MAP3K19: variants seen among roughly 807,000 people sequenced by gnomAD.
The protein encoded by MAP3K19 is mitogen-activated protein kinase kinase kinase 19.
In MAP3K19, 91 loss-of-function variants were observed where a neutral mutation model predicts 114.4. The observed-to-expected ratio is 0.80, with a 90% CI of 0.67 to 0.95. MAP3K19 has a LOEUF of 0.95. Among genes scored for constraint, MAP3K19 ranks in the 40% least tolerant of loss-of-function variants. MAP3K19 has a pLI of 0.00. For synonymous variants in MAP3K19, 518 were observed against 530.5 expected, an observed-to-expected ratio of 0.98 and a Z score of 0.32; for missense variants, 1,471 against 1,573.2, an observed-to-expected ratio of 0.94 and a Z score of 1.10.
chr2:135,024,253 A>G (rs1261136922), intron 4 of MAP3K19, among the ~76,000 whole-genome samples: 1 of 152,146 alleles, frequency 6.6e-6, no homozygotes, highest in Admixed American at 6.5e-5. Flanking sequence ...TTTTCATTAT[A>G]CTTCTTGCTG....
chr2:135,031,240 T>C (rs935956955), intron 2 of MAP3K19, among the ~76,000 whole-genome samples: 2 of 151,912 alleles, frequency 1.3e-5, no homozygotes, highest in Non-Finnish European at 1.5e-5. Context: ...TGGGGGCACT[T>C]CGACAAAATC....
intron 2 of MAP3K19, among the ~76,000 whole-genome samples, chr2:135,037,812 C>T (rs1204547930): frequency 6.6e-6 from 1 of 152,136 alleles, no homozygotes; most frequent in African/African-American, 2.4e-5. Flanking sequence ...GTTCAGGGGT[C>T]ACCTGGTCCT....
chr2:135,009,163 A>G (rs973162486), intron 5 of MAP3K19, among the ~76,000 whole-genome samples: 4 of 149,756 alleles, frequency 2.7e-5, no homozygotes, highest in African/African-American at 9.9e-5. Flanking sequence ...TGGCGTTTCA[A>G]TATGTTTACC....
chr2:135,009,446 T>C (rs1687064853), intron 5 of MAP3K19, among the ~76,000 whole-genome samples: 1 of 132,028 alleles, frequency 7.6e-6, no homozygotes, highest in Admixed American at 7.3e-5. Context: ...TAGAACACTC[T>C]AAGAGACCTC....
Position 134,964,839 on chromosome 2 carries a change from T to G in MAP3K19, c.*11A>C. ...CTGCAGTGGAACTGGGAAGAAAGTC[T>G]TGATGTATATTCAGTGACTTCTCTC... On this transcript the variant is annotated 3_prime_UTR_variant, in exon 13 of 13. Coordinates refer to ENST00000392915, the MANE Select transcript of MAP3K19 (RefSeq NM_025052.5). 1 of 1,608,028 alleles carries G rather than the reference T, an allele frequency of 6.2e-7. No individual in the cohort carries two copies. The highest frequency in any genetic ancestry group is 1.3e-5 in the African/African-American group (1 of 74,952).
At chr2:134,990,068 G>T (rs893909060) in intron 9 of MAP3K19, among the ~76,000 whole-genome samples, 2 of 150,980 alleles carry the variant, frequency 1.3e-5, no homozygotes, top group Non-Finnish European at 2.9e-5. Context: ...GGGCAACAGA[G>T]TGAGACTCTG....
At chr2:135,028,632 G>A (rs2104781437) in intron 3 of MAP3K19, among the ~76,000 whole-genome samples, 1 of 152,098 alleles carries the variant, frequency 6.6e-6, no homozygotes, top group South Asian at 2.1e-4. Context: ...GGAGGCATAT[G>A]AATGTAATTT....
chr2:134,969,574 C>A (rs1003093060), intron 12 of MAP3K19, among the ~76,000 whole-genome samples: 2 of 152,098 alleles, frequency 1.3e-5, no homozygotes, highest in African/African-American at 2.4e-5. Context: ...GTTGGATGAA[C>A]ATTTTGCAAA....
intron 8 of MAP3K19, among the ~76,000 whole-genome samples, chr2:134,997,264 C>G (rs546487858): frequency 6.6e-6 from 1 of 152,186 alleles, no homozygotes; most frequent in South Asian, 2.1e-4. Context: ...GATTCCATTT[C>G]TATAAAAGAC....
chr2:134,999,828 T>C lies in MAP3K19; in HGVS notation c.314+109A>G. ...GCCACATACTATTTATTGTGACCTC[T>C]ACTTTTAAGCATTATTATGGATTCA... On this transcript the variant is annotated intron_variant, in intron 7 of 12. Transcript: ENST00000392915. The surrounding 1 kb of genome is among the most constrained non-coding windows in gnomAD (Gnocchi z 4.1). 2.6e-6 allele frequency: 2 copies of C among 766,944 alleles called. No homozygotes were observed. Among genetic ancestry groups the C allele is most frequent in the Non-Finnish European group, 4.5e-6 (2 of 446,546 alleles). 47.5% of individuals were successfully genotyped at this position (766,944 alleles called of 1,614,324 possible).
intron 8 of MAP3K19, among the ~76,000 whole-genome samples, chr2:134,992,924 C>A (rs530516499): frequency 6.6e-6 from 1 of 152,168 alleles, no homozygotes; most frequent in African/African-American, 2.4e-5. Context: ...CGTGATCCAC[C>A]GGCCTCGGCC....
intron 12 of MAP3K19, among the ~76,000 whole-genome samples, chr2:134,973,314 C>T (rs2874714): frequency 0.31 from 46,544 of 152,034 alleles, 8,091 homozygotes; most frequent in Middle Eastern, 0.62. Context: ...TGCTCTGGTG[C>T]AGGGTGCATC....
intron 8 of MAP3K19, among the ~76,000 whole-genome samples, chr2:134,998,308 A>G (rs756829678): frequency 5.3e-5 from 8 of 152,202 alleles, no homozygotes; most frequent in Non-Finnish European, 7.3e-5. Flanking sequence ...ATGAGCTCAC[A>G]ATGAAGATTT....
intron 12 of MAP3K19, among the ~76,000 whole-genome samples, chr2:134,972,412 T>C (rs917992729): frequency 1.2e-4 from 18 of 152,184 alleles, no homozygotes; most frequent in African/African-American, 4.1e-4. Flanking sequence ...ATTTCTTTTT[T>C]TCTACTAATT....
chr2:135,041,961 G>C (rs1369669658), intron 1 of MAP3K19, among the ~76,000 whole-genome samples: 1 of 152,088 alleles, frequency 6.6e-6, no homozygotes, highest in East Asian at 1.9e-4. Flanking sequence ...TCTAGAAATA[G>C]TACTCTAGAA....
At chr2:135,046,428 C>T (rs1187413581) in intron 1 of MAP3K19, among the ~76,000 whole-genome samples, 1 of 152,124 alleles carries the variant, frequency 6.6e-6, no homozygotes, top group Non-Finnish European at 1.5e-5. Flanking sequence ...CAGGCACCTG[C>T]CACCTTGCCG....
At chr2:135,034,800 A>G (rs1378387625) in intron 2 of MAP3K19, among the ~76,000 whole-genome samples, 3 of 106,160 alleles carry the variant, frequency 2.8e-5, no homozygotes, top group Non-Finnish European at 3.8e-5. Flanking sequence ...AAAGAGAGGG[A>G]GGGGGAGACC....
Position 134,985,860 on chromosome 2 carries a change from G to C in MAP3K19, c.3012C>G (p.Leu1004=), listed in dbSNP as rs368112893. 2.3e-5 allele frequency: 37 copies of C among 1,613,620 alleles called. No homozygotes were observed. The highest frequency in any genetic ancestry group is 3.1e-5 in the Non-Finnish European group (36 of 1,179,940). The part of the protein sequence containing the change: ...ETDPENLNLV[L]RWRGSTPKEM... ...CTTTTGGGGTACTTCCTCTCCATCT[G>C]AGGACAAGATTTAGGTTTTCAGGAT... Residue 1004 remains leucine (L), a synonymous_variant, in exon 10 of 13, where the codon CTC becomes CTG. Coordinates refer to ENST00000392915, the MANE Select transcript of MAP3K19 (RefSeq NM_025052.5).
At chr2:134,997,820 A>AAAAAAAAAAAAAAAAAAAC (rs61650738) in intron 8 of MAP3K19, among the ~76,000 whole-genome samples, 1 of 148,490 alleles carries the variant, frequency 6.7e-6, no homozygotes, top group African/African-American at 2.5e-5. Context: ...TCCGTCTCAA[A>AAAAAAAAAAAAAAAAAAAC]AAAAAAAAAA....
Sources: gnomAD v4.1 joint callset for allele counts (sites outside exome capture counted in the v4.1 genomes callset) on GRCh38, gnomAD v4.1.1 for gene constraint, Gnocchi (gnomAD v3.1) non-coding constraint, MANE v1.5 for transcripts, NCBI Gene and HGNC (gene_info 2026-07-23, HGNC 2026-07-21) for gene names.